The following NKAIN1 variants were observed in gnomAD, a reference collection of about 807,000 sequenced individuals.
NKAIN1 encodes the protein sodium/potassium transporting ATPase interacting 1.
In NKAIN1, 13 loss-of-function variants were observed where a neutral mutation model predicts 31.6. The ratio of observed to expected loss-of-function variants is 0.41; its 90% confidence interval spans 0.27 to 0.65. NKAIN1 has a LOEUF of 0.65. NKAIN1 is among the 30% of genes least tolerant of loss of function. The pLI, the probability that NKAIN1 is intolerant of heterozygous loss-of-function variation, is 0.30. For missense variants in NKAIN1, 193 were observed against 262.2 expected (o/e 0.74, Z 1.82); for synonymous variants, 104 against 109.0 (o/e 0.95, Z 0.28).
At chr1:31,205,044 T>C (rs188571324) in intron 1 of NKAIN1, among the ~76,000 whole-genome samples, 70 of 152,294 alleles carry the variant, frequency 4.6e-4, no homozygotes, top group African/African-American at 1.6e-3. Context: ...GGAACAATAA[T>C]ATCTACTTCC....
chr1:31,231,765 T>C lies in NKAIN1; in HGVS notation c.54+7729A>G, dbSNP rs187882544. On this transcript the variant is annotated intron_variant, in intron 1 of 6. Transcript: ENST00000373736. ...CAGGATGGTCTCGATCTCCTGACCT[T>C]GTGATCCGCCCGCCTTGGCCTCCCA... 5.9e-3 allele frequency among the ~76,000 whole-genome samples: 881 copies of C among 148,212 alleles called. 10 individuals are homozygous for C. The highest frequency in any genetic ancestry group is 0.019 in the African/African-American group (786 of 40,326).
At chr1:31,221,874 A>C (rs1262509398) in intron 1 of NKAIN1, among the ~76,000 whole-genome samples, 1 of 151,592 alleles carries the variant, frequency 6.6e-6, no homozygotes, top group East Asian at 2.0e-4. Flanking sequence ...TCAGAACTGC[A>C]TTTTATTTTA....
intron 1 of NKAIN1, among the ~76,000 whole-genome samples, chr1:31,210,973 C>T (rs1645464200): frequency 6.6e-6 from 1 of 152,180 alleles, no homozygotes; most frequent in South Asian, 2.1e-4. Context: ...TTGACAGAAA[C>T]ACTCAACAAA....
At chr1:31,199,468 G>A (rs912310461) in intron 1 of NKAIN1, among the ~76,000 whole-genome samples, 1 of 152,054 alleles carries the variant, frequency 6.6e-6, no homozygotes, top group Non-Finnish European at 1.5e-5. Flanking sequence ...AATTAAACTC[G>A]ACTCAACCCC....
At position 31,231,691 on chromosome 1, in the gene NKAIN1, C is replaced by T. The variant is rs567824757; in HGVS notation, c.54+7803G>A. On this transcript the variant is annotated intron_variant, in intron 1 of 6. Transcript: ENST00000373736. ...AACTACAGGCGCCCGCCACCACGCC[C>T]GGCTAATTTTTTGTATTTTTAGTAG... Among the ~76,000 whole-genome samples the T allele has an allele frequency of 3.2e-3, 100 of 31,066 alleles. 2 individuals are homozygous for T. The highest frequency in any genetic ancestry group is 0.029 in the South Asian group (18 of 616). 20.4% of individuals were successfully genotyped at this position (31,066 alleles called of 152,430 possible).
At chr1:31,186,299 T>C (rs373244521) in intron 2 of NKAIN1, among the ~76,000 whole-genome samples, 34 of 149,694 alleles carry the variant, frequency 2.3e-4, no homozygotes, top group African/African-American at 7.9e-4. Flanking sequence ...GAGGTGGAGG[T>C]TGTGGTAAGC....
intron 1 of NKAIN1, among the ~76,000 whole-genome samples, chr1:31,200,770 T>C (rs1376863612): frequency 6.6e-6 from 1 of 152,126 alleles, no homozygotes. Context: ...GCCACATTTA[T>C]TTATCTCCTA....
intron 1 of NKAIN1, among the ~76,000 whole-genome samples, chr1:31,196,101 G>A (rs1645324412): frequency 6.6e-6 from 1 of 151,918 alleles, no homozygotes; most frequent in Non-Finnish European, 1.5e-5. Flanking sequence ...AGATAAGGCC[G>A]GGTGATGTGG....
At chr1:31,200,837 C>T (rs1205944840) in intron 1 of NKAIN1, among the ~76,000 whole-genome samples, 1 of 146,912 alleles carries the variant, frequency 6.8e-6, no homozygotes, top group East Asian at 2.1e-4. Flanking sequence ...AAACATTTCT[C>T]GAGTGCCTTT....
At chr1:31,238,628 G>A (rs1645709376) in intron 1 of NKAIN1, among the ~76,000 whole-genome samples, 1 of 152,142 alleles carries the variant, frequency 6.6e-6, no homozygotes, top group Admixed American at 6.5e-5. Context: ...CCTATGCTGG[G>A]GCTAGGCACA....
At chr1:31,229,917 C>T (rs988894995) in intron 1 of NKAIN1, among the ~76,000 whole-genome samples, 10 of 152,194 alleles carry the variant, frequency 6.6e-5, no homozygotes, top group African/African-American at 2.2e-4. Context: ...AGAGGCCACG[C>T]CTTCATCTTG....
chr1:31,206,424 T>A (rs1020052001), intron 1 of NKAIN1, among the ~76,000 whole-genome samples: 1 of 151,806 alleles, frequency 6.6e-6, no homozygotes, highest in Non-Finnish European at 1.5e-5. Flanking sequence ...ATTTTTTAAA[T>A]TTTTATTTAT....
chr1:31,208,447 G>A (rs562044749), intron 1 of NKAIN1, among the ~76,000 whole-genome samples: 1 of 152,234 alleles, frequency 6.6e-6, no homozygotes, highest in Non-Finnish European at 1.5e-5. Flanking sequence ...CTTTCCAGAA[G>A]CCTTTCTTCC....
Position 31,239,523 on chromosome 1 carries a change from T to A in NKAIN1, c.25A>T (p.Thr9Ser). MGKCSGRC[T>S]LVAFCCLQLV... The stretch of plus-strand genomic sequence containing the variant: ...TGCAGGCAGCAGAAGGCGACCAGCG[T>A]GCAGCGCCCGCTGCACTTGCCCATG... Residue 9 changes from threonine to serine, a missense_variant, in exon 1 of 7, where the codon ACG becomes TCG. By Grantham distance (58) the Thr-to-Ser change is moderately conservative. Coordinates refer to ENST00000373736, the MANE Select transcript of NKAIN1 (RefSeq NM_024522.3). This position sits in a 1 kb window ranked among gnomAD's most constrained non-coding sequence, Gnocchi z 4.8. The A allele has an allele frequency of 7.3e-7, 1 of 1,378,482 alleles. No individual in the cohort carries two copies. Among genetic ancestry groups the A allele is most frequent in the Non-Finnish European group, 9.3e-7 (1 of 1,069,932 alleles). 85.4% of individuals were successfully genotyped at this position (1,378,482 alleles called of 1,614,324 possible). A position where few individuals can be genotyped will look rare whatever the true frequency, so the allele number is the denominator to read the frequency against.
At chr1:31,198,301 G>A (rs1172133152) in intron 1 of NKAIN1, among the ~76,000 whole-genome samples, 2 of 152,084 alleles carry the variant, frequency 1.3e-5, no homozygotes, top group Non-Finnish European at 2.9e-5. Flanking sequence ...GGAAACGCAT[G>A]CCCACCCAAG....
intron 1 of NKAIN1, among the ~76,000 whole-genome samples, chr1:31,231,561 C>T (rs532509917): frequency 5.3e-5 from 8 of 152,084 alleles, no homozygotes; most frequent in East Asian, 3.9e-4. Context: ...GACGGAGTCT[C>T]GCTCTGTCAC....
In NKAIN1 at chr1:31,232,414, T is replaced by G. The variant is rs1217541069; in HGVS notation, c.54+7080A>C. Among the ~76,000 whole-genome samples the G allele has an allele frequency of 2.0e-3, 68 of 33,868 alleles. 5 individuals are homozygous for G. Among genetic ancestry groups the G allele is most frequent in the African/African-American group, 6.1e-3 (64 of 10,442 alleles). The allele number at this position is 33,868 out of a possible 152,430, so 22.2% of individuals were successfully genotyped here. ...CCTACTTCATATATATATATATATA[T>G]ATATATATATAGAGAGAGAGAGAGA... On this transcript the variant is annotated intron_variant, in intron 1 of 6. Coordinates refer to ENST00000373736, the MANE Select transcript of NKAIN1 (RefSeq NM_024522.3).
At chr1:31,191,407 T>G (rs942845233) in intron 1 of NKAIN1, among the ~76,000 whole-genome samples, 5 of 151,444 alleles carry the variant, frequency 3.3e-5, no homozygotes, top group South Asian at 2.1e-4. Context: ...GAGGTTTTTT[T>G]TTTTTTTTTT....
rs1645197906 is a variant in NKAIN1 at position 31,181,576 on chromosome 1, C to G, written c.*127G>C. ...CCAAGTCCGCATCTCCAGATGCAGA[C>G]GCGGGGTTGGGCACAGGCTGCAGTG... is the stretch of plus-strand genomic sequence containing the variant. On this transcript the variant is annotated 3_prime_UTR_variant, in exon 7 of 7. Coordinates refer to ENST00000373736, the MANE Select transcript of NKAIN1 (RefSeq NM_024522.3). The G allele has an allele frequency of 1.2e-6, 1 of 829,670 alleles. No homozygotes were observed. Among genetic ancestry groups the G allele is most frequent in the Non-Finnish European group, 1.7e-6 (1 of 594,128 alleles). 51.4% of individuals were successfully genotyped at this position (829,670 alleles called of 1,614,324 possible).
Sources: allele counts gnomAD v4.1 joint callset (sites outside exome capture counted in the v4.1 genomes callset), GRCh38; gene constraint gnomAD v4.1.1; non-coding constraint Gnocchi (gnomAD v3.1); transcripts MANE v1.5; gene names NCBI Gene and HGNC (gene_info 2026-07-23, HGNC 2026-07-21).